The following TXNRD1 variants were observed in gnomAD, a reference collection of about 807,000 sequenced individuals.
TXNRD1 encodes the protein thioredoxin reductase 1, also known as thioredoxin reductase 1, cytoplasmic.
Under a neutral mutation model 80.3 loss-of-function variants are expected in TXNRD1, and 57 were observed. The observed-to-expected ratio is 0.71, with a 90% CI of 0.57 to 0.89. The LOEUF (loss-of-function observed/expected upper bound fraction) is 0.89. TXNRD1 is among the 40% of genes least tolerant of loss of function. The pLI is 0.00. For missense variants in TXNRD1, 730 were observed against 803.0 expected (o/e 0.91, Z 1.10); for synonymous variants, 291 against 285.2 (o/e 1.02, Z -0.20).
chr12:104,334,864 A>G (rs1408306855), intron 15 of TXNRD1, among the ~76,000 whole-genome samples: 1 of 152,220 alleles, frequency 6.6e-6, no homozygotes, highest in Non-Finnish European at 1.5e-5. Flanking sequence ...TACTGAGTGA[A>G]GGAACCAAAG....
intron 4 of TXNRD1, among the ~76,000 whole-genome samples, chr12:104,308,501 A>G (rs2035013111): frequency 6.6e-6 from 1 of 152,084 alleles, no homozygotes; most frequent in Admixed American, 6.5e-5. Flanking sequence ...ACATTTAATA[A>G]ATATATTATT....
intron 1 of TXNRD1, among the ~76,000 whole-genome samples, chr12:104,243,619 GGTTCT>G (rs1464566315): frequency 6.6e-6 from 1 of 152,134 alleles, no homozygotes; most frequent in Non-Finnish European, 1.5e-5. Flanking sequence ...AGAGGTCTGG[GGTTCT>G]GTGGAAATCC....
chr12:104,328,130 A>T (rs1593852884), intron 13 of TXNRD1, among the ~76,000 whole-genome samples: 2 of 150,272 alleles, frequency 1.3e-5, no homozygotes, highest in South Asian at 4.2e-4. Context: ...GTGCCACTCT[A>T]CTCCTGCCAT....
chr12:104,218,991 T>C (rs1180698223), intron 1 of TXNRD1, among the ~76,000 whole-genome samples: 1 of 152,192 alleles, frequency 6.6e-6, no homozygotes, highest in Non-Finnish European at 1.5e-5. Context: ...TTGCCTAGAT[T>C]AGAGTGCAGT....
At chr12:104,222,011 G>T (rs1325058251) in intron 1 of TXNRD1, among the ~76,000 whole-genome samples, 1 of 152,124 alleles carries the variant, frequency 6.6e-6, no homozygotes, top group African/African-American at 2.4e-5. Flanking sequence ...CTTTCTTTGG[G>T]TGGGAAAATG....
chr12:104,272,779 G>T (rs1424286426), intron 3 of TXNRD1, among the ~76,000 whole-genome samples: 1 of 145,914 alleles, frequency 6.9e-6, no homozygotes, highest in Non-Finnish European at 1.5e-5. Flanking sequence ...GCAACAGAGT[G>T]AGACTCCACC....
At chr12:104,230,943 G>T (rs1031620282) in intron 1 of TXNRD1, among the ~76,000 whole-genome samples, 8 of 152,172 alleles carry the variant, frequency 5.3e-5, no homozygotes, top group Admixed American at 3.3e-4. Flanking sequence ...ACGTGAGGAT[G>T]TGTGGGGGTG....
chr12:104,218,269 C>A (rs1385487141), intron 1 of TXNRD1, among the ~76,000 whole-genome samples: 2 of 152,096 alleles, frequency 1.3e-5, no homozygotes, highest in African/African-American at 4.8e-5. Flanking sequence ...CGTGATCTTC[C>A]CGCCTCAGCC....
intron 1 of TXNRD1, among the ~76,000 whole-genome samples, chr12:104,244,320 TC>T (rs2032934532): frequency 6.6e-6 from 1 of 152,196 alleles, no homozygotes; most frequent in Non-Finnish European, 1.5e-5. Flanking sequence ...CCTTTAGTAA[TC>T]CCTTTACTAA....
Position 104,348,417 on chromosome 12 carries a change from G to T in TXNRD1, c.1946G>T (p.Gly649Val). The change falls in exon 17 of 17, where the codon GGT becomes GTT. Residue 649 changes from glycine to valine, a missense_variant. Physicochemically the swap from Gly to Val is moderately radical, Grantham distance 109. Transcript: ENST00000525566. Reference protein sequence around the residue: ...GASILQAGCUG With the variant: ...GASILQAGCUV ...AGCATCCTCCAGGCTGGCTGCTGAG[G>T]TTAAGCCCCAGTGTGGATGCTGTTG... 1 of 1,613,998 alleles carries T rather than the reference G, an allele frequency of 6.2e-7. No homozygotes were observed. Among genetic ancestry groups the T allele is most frequent in the Non-Finnish European group, 8.5e-7 (1 of 1,179,880 alleles).
intron 1 of TXNRD1, among the ~76,000 whole-genome samples, chr12:104,238,849 T>C (rs113223206): frequency 1.0e-4 from 15 of 144,940 alleles, no homozygotes; most frequent in African/African-American, 3.9e-4. Flanking sequence ...TCTGTGGTTT[T>C]CTTTTCTTTT....
At chr12:104,218,017 T>TAC (rs935590219) in intron 1 of TXNRD1, among the ~76,000 whole-genome samples, 3 of 151,866 alleles carry the variant, frequency 2.0e-5, no homozygotes, top group East Asian at 3.9e-4. Context: ...GGAATATATA[T>TAC]ACACACACAC....
intron 3 of TXNRD1, among the ~76,000 whole-genome samples, chr12:104,285,487 G>T (rs943802607): frequency 6.6e-6 from 1 of 152,126 alleles, no homozygotes; most frequent in Admixed American, 6.6e-5. Context: ...GCCTGTTTTG[G>T]AATGCCGTTA....
intron 16 of TXNRD1, among the ~76,000 whole-genome samples, chr12:104,342,457 T>G (rs2036358576): frequency 6.6e-6 from 1 of 152,200 alleles, no homozygotes; most frequent in Admixed American, 6.5e-5. Flanking sequence ...TCTTCTCATT[T>G]CACAATATCG....
At chr12:104,293,020 G>A (rs1593767576) in intron 4 of TXNRD1, among the ~76,000 whole-genome samples, 1 of 152,162 alleles carries the variant, frequency 6.6e-6, no homozygotes, top group Admixed American at 6.5e-5. Flanking sequence ...CCTCCAAGAT[G>A]GTTAAGAACT....
chr12:104,320,947 A>C (rs1299987962), intron 9 of TXNRD1, 144 bp from the exon 10 acceptor site: 5 of 652,644 alleles, frequency 7.7e-6, no homozygotes, highest in African/African-American at 5.5e-5. Context: ...AAAACTTCTC[A>C]TGTATTATGT....
At chr12:104,289,109 C>A in intron 4 of TXNRD1, 69 bp downstream of exon 4, 1 of 1,538,060 alleles carries the variant, frequency 6.5e-7, no homozygotes, top group Non-Finnish European at 8.8e-7. Flanking sequence ...TCACAGCCTG[C>A]CTTTTAAAGC....
Position 104,296,330 on chromosome 12 carries a change from G to A in TXNRD1, c.414+7290G>A, listed in dbSNP as rs116297155. ...TTGCTGAATGGAACTTCATTCTTCTGTGCCTACTTGTACTTTCTTTAAGAG... is the reference window on the plus strand; with the variant it reads ...TTGCTGAATGGAACTTCATTCTTCTATGCCTACTTGTACTTTCTTTAAGAG... On this transcript the variant is annotated intron_variant, in intron 4 of 16. Coordinates refer to ENST00000525566, the MANE Select transcript of TXNRD1 (RefSeq NM_001093771.3). Among the ~76,000 whole-genome samples, 505 of 152,216 alleles carry A rather than the reference G, an allele frequency of 3.3e-3. 5 individuals are homozygous for A. Among genetic ancestry groups the A allele is most frequent in the African/African-American group, 0.012 (498 of 41,520 alleles).
rs561273707 is a variant in TXNRD1, at chr12:104,265,592, G to A, written c.304+7513G>A. On this transcript the variant is annotated intron_variant, in intron 3 of 16. Coordinates refer to ENST00000525566, the MANE Select transcript of TXNRD1 (RefSeq NM_001093771.3). Reference sequence around the variant, plus strand: ...CGGAGCGGCACCCACAACATGTACCGGGAATACCGGGACCTGACCACCGCA... The same window carrying A: ...CGGAGCGGCACCCACAACATGTACCAGGAATACCGGGACCTGACCACCGCA... 6.0e-5 allele frequency: 96 copies of A among 1,607,634 alleles called. 2 individuals carry two copies. The South Asian group carries it at 1.0e-3, about 17-fold the overall frequency.
Sources: gnomAD v4.1 joint callset for allele counts (sites outside exome capture counted in the v4.1 genomes callset) on GRCh38, gnomAD v4.1.1 for gene constraint, MANE v1.5 for transcripts, NCBI Gene and HGNC (gene_info 2026-07-23, HGNC 2026-07-21) for gene names.